The following CFAP91 variants were observed in gnomAD, a reference collection of about 807,000 sequenced individuals.
CFAP91 encodes cilia- and flagella-associated protein 91.
CFAP91 carries 85 observed loss-of-function variants against 95.9 expected under a neutral mutation model. That is an observed-to-expected ratio of 0.89 (90% CI 0.74 to 1.06). The LOEUF (loss-of-function observed/expected upper bound fraction) is 1.06. CFAP91 is among the 50% of genes least tolerant of loss of function. The pLI is 0.00. For synonymous variants in CFAP91, 335 were observed against 327.5 expected (o/e 1.02, Z -0.25); for missense variants, 962 against 943.4 (o/e 1.02, Z -0.26).
chr3:119,706,746 T>C (rs2053371895), intron 1 of CFAP91, 63 bp from the exon 2 acceptor site: 1 of 1,240,814 alleles, frequency 8.1e-7, no homozygotes, highest in Non-Finnish European at 1.2e-6. Context: ...TACTTTGCCA[T>C]TATTCTCAGC....
intron 17 of CFAP91, among the ~76,000 whole-genome samples, chr3:119,755,545 A>C (rs2054410089): frequency 6.6e-6 from 1 of 152,120 alleles, no homozygotes; most frequent in South Asian, 2.1e-4. Flanking sequence ...CAATGTGAAG[A>C]CACAGTAAGA....
Position 119,755,144 on chromosome 3 carries a change from C to A in CFAP91, c.*1+4046C>A, listed in dbSNP as rs187470092. Among the ~76,000 whole-genome samples, 813 of 152,204 alleles carry A rather than the reference C, an allele frequency of 5.3e-3. 2 individuals carry two copies. Among genetic ancestry groups the A allele is most frequent in the Non-Finnish European group, 8.7e-3 (589 of 68,020 alleles). ...GACAAGTCATATCTTGAGTCTCACC[C>A]GTACTTCATTTGGATAATATTTATG... On this transcript the variant is annotated intron_variant, in intron 17 of 17. Transcript: ENST00000273390.
At chr3:119,733,714 C>A (rs1364115280) in intron 10 of CFAP91, among the ~76,000 whole-genome samples, 3 of 151,908 alleles carry the variant, frequency 2.0e-5, no homozygotes, top group African/African-American at 7.3e-5. Context: ...GATTTTTTTC[C>A]CCATTTGCAG....
chr3:119,729,233 C>A (rs184607096), intron 7 of CFAP91, among the ~76,000 whole-genome samples: 1 of 151,910 alleles, frequency 6.6e-6, no homozygotes. Context: ...TCCTTAGCAG[C>A]GGGAAGAAGG....
Position 119,703,182 on chromosome 3 carries a change from G to C in CFAP91, c.84G>C (p.Gly28=). 1.2e-6 allele frequency: 2 copies of C among 1,610,636 alleles called. No individual in the cohort carries two copies. Among genetic ancestry groups the C allele is most frequent in the Non-Finnish European group, 1.7e-6 (2 of 1,178,452 alleles). ...GGTACCGGGAGAGGTCGCGGGCTGG[G>C]AGCCACATCTCCTCCAATCGAGCGT... The part of the protein sequence containing the change: ...QTRYRERSRA[G]SHISSNRAYD... Residue 28 remains glycine, a synonymous_variant, in exon 1 of 18, where the codon GGG becomes GGC. Transcript: ENST00000273390.
intron 2 of CFAP91, chr3:119,707,130 A>G (rs1226683952): frequency 1.8e-6 from 1 of 547,082 alleles, no homozygotes; most frequent in African/African-American, 1.9e-5. Flanking sequence ...ATTTAATAAT[A>G]TATGCCCATG....
intron 13 of CFAP91, among the ~76,000 whole-genome samples, chr3:119,742,205 T>C (rs148169739): frequency 7.3e-4 from 111 of 152,302 alleles, no homozygotes; most frequent in Admixed American, 2.1e-3. Flanking sequence ...GAGGAGTTAA[T>C]GGGCAAAGCT....
chr3:119,747,768 G>T, intron 15 of CFAP91, 43 bp from the exon 16 acceptor site: 1 of 1,560,582 alleles, frequency 6.4e-7, no homozygotes. Context: ...CAGCTCAAGT[G>T]AAAAAACCAA....
At chr3:119,718,634 A>G (rs907571418) in intron 6 of CFAP91, among the ~76,000 whole-genome samples, 5 of 152,160 alleles carry the variant, frequency 3.3e-5, no homozygotes, top group African/African-American at 1.2e-4. Context: ...TGAAAAAACT[A>G]TTAGAAAAAC....
rs1189130022 is a variant in CFAP91, at chr3:119,706,883, C to G, written c.199C>G (p.Leu67Val). ...NIQATLIRSRLRKVPRFKTMF... is the reference protein window; with the variant it reads ...NIQATLIRSRVRKVPRFKTMF... ...CCAAGCTACCCTGATTCGCAGCAGA[C>G]TGGTATGTCTAATTCATCAGCCAAG... Residue 67 changes from leucine to valine, a missense_variant and splice_region_variant, in exon 2 of 18, where the codon CTG (leucine) becomes GTG (valine). By Grantham distance (32) the Leu-to-Val change is conservative. Coordinates refer to ENST00000273390, the MANE Select transcript of CFAP91 (RefSeq NM_033364.4). 2 of 1,610,472 alleles carry G rather than the reference C, an allele frequency of 1.2e-6. No homozygotes were observed. Among genetic ancestry groups the G allele is most frequent in the African/African-American group, 2.7e-5 (2 of 74,152 alleles).
At chr3:119,743,919 A>T in intron 13 of CFAP91, 56 bp from the exon 14 acceptor site, 6 of 1,444,004 alleles carry the variant, frequency 4.2e-6, no homozygotes, top group Non-Finnish European at 5.6e-6. Context: ...ACTTCTTCTA[A>T]TAATCACCAC....
In CFAP91 at chr3:119,740,650, A is replaced by G. The variant is rs1257664309; in HGVS notation, c.1635A>G (p.Gln545=). Residue 545 remains glutamine, a synonymous_variant, in exon 13 of 18, where the codon CAA becomes CAG. Transcript: ENST00000273390. ...DEKLVKKAEK[Q]VTLALQRQRN... ...AGCTGGTGAAAAAAGCCGAGAAGCAAGTGACCCTGGCCTTACAGCGGCAGA... is the reference window on the plus strand; with the variant it reads ...AGCTGGTGAAAAAAGCCGAGAAGCAGGTGACCCTGGCCTTACAGCGGCAGA... 6.2e-7 allele frequency: 1 copy of G among 1,614,252 alleles called. No individual in the cohort carries two copies. Among genetic ancestry groups the G allele is most frequent in the Non-Finnish European group, 8.5e-7 (1 of 1,180,044 alleles).
chr3:119,732,216 T>C, intron 8 of CFAP91, 78 bp from the exon 9 acceptor site: 1 of 1,095,622 alleles, frequency 9.1e-7, no homozygotes, highest in Non-Finnish European at 1.3e-6. Flanking sequence ...TGAATAACAC[T>C]AGCATTGGCT....
chr3:119,750,689 A>G, intron 16 of CFAP91: 1 of 495,382 alleles, frequency 2.0e-6, no homozygotes, highest in Non-Finnish European at 3.6e-6. Context: ...TGAGCTTTCC[A>G]GGTTTTAGAG....
At chr3:119,730,080 C>T in intron 7 of CFAP91, 140 bp from the exon 8 acceptor site, 1 of 786,724 alleles carries the variant, frequency 1.3e-6, no homozygotes, top group Non-Finnish European at 2.0e-6. Context: ...ATTCATCTGT[C>T]ATACTTTTGC....
At chr3:119,721,582 G>A (rs1449563266) in intron 6 of CFAP91, among the ~76,000 whole-genome samples, 1 of 152,170 alleles carries the variant, frequency 6.6e-6, no homozygotes, top group African/African-American at 2.4e-5. Flanking sequence ...TATTTAGCTC[G>A]TGGGACAGGG....
intron 11 of CFAP91, 84 bp from the exon 12 acceptor site, chr3:119,739,171 G>T (rs1459157582): frequency 3.5e-6 from 4 of 1,134,862 alleles, no homozygotes; most frequent in African/African-American, 3.1e-5. Flanking sequence ...AGTCTGTTTT[G>T]CTTGAAATAA....
chr3:119,704,972 G>A (rs772403187), intron 1 of CFAP91, among the ~76,000 whole-genome samples: 1 of 152,138 alleles, frequency 6.6e-6, no homozygotes, highest in Non-Finnish European at 1.5e-5. Flanking sequence ...TGTGGAGTAG[G>A]CTATACCAGC....
intron 17 of CFAP91, among the ~76,000 whole-genome samples, chr3:119,759,188 A>C (rs568562322): frequency 6.6e-6 from 1 of 152,150 alleles, no homozygotes; most frequent in African/African-American, 2.4e-5. Context: ...TAAGTACCAT[A>C]ATAAGCCAAA....
Sources: gnomAD v4.1 joint callset for allele counts (sites outside exome capture counted in the v4.1 genomes callset) on GRCh38, gnomAD v4.1.1 for gene constraint, MANE v1.5 for transcripts, NCBI Gene and HGNC (gene_info 2026-07-23, HGNC 2026-07-21) for gene names.